The following UBR2 variants were observed in gnomAD, a reference collection of about 807,000 sequenced individuals.
The protein encoded by UBR2 is ubiquitin protein ligase E3 component n-recognin 2, also known as E3 ubiquitin-protein ligase UBR2.
In UBR2, 92 loss-of-function variants were observed where a neutral mutation model predicts 247.9. The observed-to-expected ratio is 0.37, with a 90% CI of 0.31 to 0.44. The LOEUF (loss-of-function observed/expected upper bound fraction) is 0.44. Among genes scored for constraint, UBR2 ranks in the 20% least tolerant of loss-of-function variants. The pLI is 1.00. For missense variants in UBR2, 1,613 were observed against 2,112.6 expected (o/e 0.76, Z 4.64); for synonymous variants, 672 against 693.5 (o/e 0.97, Z 0.49).
In UBR2 at chr6:42,689,541, G is replaced by A. The variant is rs939979415; in HGVS notation, c.5025-28G>A. 4.4e-6 allele frequency: 7 copies of A among 1,591,794 alleles called. No individual in the cohort carries two copies. Among genetic ancestry groups the A allele is most frequent in the Non-Finnish European group, 6.0e-6 (7 of 1,159,732 alleles). ...AAATGTTGGTTACTAATGTGTAAAT[G>A]TGTAACGTATGACTGATCTCTCTAC... On this transcript the variant is annotated intron_variant, in intron 45 of 46. Coordinates refer to ENST00000372901, the MANE Select transcript of UBR2 (RefSeq NM_001363705.2). The surrounding 1 kb of genome is among the most constrained non-coding windows in gnomAD (Gnocchi z 4.0).
In UBR2 at chr6:42,644,324, G is replaced by A. The variant is rs183916525; in HGVS notation, c.2208G>A (p.Glu736=). 24 of 1,612,194 alleles carry A rather than the reference G, an allele frequency of 1.5e-5. No homozygotes were observed. In the Admixed American group the frequency reaches 3.4e-4, roughly 23 times the overall value. Residue 736 remains glutamate, a synonymous_variant, in exon 19 of 47, where the codon GAG becomes GAA. Transcript: ENST00000372901. ...TPDYGKRFSS[E]ITHKDVVQQN... ...ACTATGGAAAAAGATTTAGTTCTGA[G>A]ATTACCCATAAGGTAAGAACGTGTT...
At position 42,644,258 on chromosome 6, in the gene UBR2, G is replaced by C. The variant is rs1796613290; in HGVS notation, c.2142G>C (p.Met714Ile). 6.2e-7 allele frequency: 1 copy of C among 1,611,582 alleles called. No homozygotes were observed. Among genetic ancestry groups the C allele is most frequent in the Non-Finnish European group, 8.5e-7 (1 of 1,179,556 alleles). Residue 714 changes from methionine to isoleucine, a missense_variant, in exon 19 of 47, where the codon ATG (methionine) becomes ATC (isoleucine). Met to Ile is a conservative substitution (Grantham distance 10, BLOSUM62 1). Coordinates refer to ENST00000372901, the MANE Select transcript of UBR2 (RefSeq NM_001363705.2). ...MMDPNHFLMI[M>I]LSRFELYQIF... ...ATCCAAATCATTTCCTGATGATCATGCTCAGCCGCTTTGAACTTTATCAGA... is the reference window on the plus strand; with the variant it reads ...ATCCAAATCATTTCCTGATGATCATCCTCAGCCGCTTTGAACTTTATCAGA...
chr6:42,629,189 T>A (rs1208765292), intron 11 of UBR2, among the ~76,000 whole-genome samples: 2 of 151,916 alleles, frequency 1.3e-5, no homozygotes, highest in Non-Finnish European at 2.9e-5. Context: ...GGTAATTTTT[T>A]AATTTTTAGT....
At chr6:42,643,630 G>T (rs1293884710) in intron 18 of UBR2, among the ~76,000 whole-genome samples, 2 of 151,826 alleles carry the variant, frequency 1.3e-5, no homozygotes, top group East Asian at 3.9e-4. Flanking sequence ...GTCAAGAAAT[G>T]TATATTTCAA....
chr6:42,633,861 G>A (rs1307365436), intron 13 of UBR2, among the ~76,000 whole-genome samples: 1 of 151,924 alleles, frequency 6.6e-6, no homozygotes, highest in Admixed American at 6.6e-5. Flanking sequence ...TTTTTGAGTA[G>A]CTGGGATTAC....
chr6:42,685,831 C>T (rs2207260), intron 44 of UBR2, among the ~76,000 whole-genome samples: 34,478 of 151,256 alleles, frequency 0.23, 3,967 homozygotes, highest in Middle Eastern at 0.26. Context: ...TAGTCATGAT[C>T]GTGCCACTGC....
intron 14 of UBR2, 94 bp from the exon 15 acceptor site, chr6:42,636,917 A>G: frequency 7.3e-7 from 1 of 1,372,078 alleles, no homozygotes; most frequent in Non-Finnish European, 9.9e-7. Flanking sequence ...CTATATTGTT[A>G]TTTGAGGTAC....
At position 42,592,184 on chromosome 6, in the gene UBR2, C is replaced by T; in HGVS notation, c.372C>T (p.Cys124=). The change falls in exon 3 of 47, where the codon TGC becomes TGT. Residue 124 remains cysteine (C), a synonymous_variant. Coordinates refer to ENST00000372901, the MANE Select transcript of UBR2 (RefSeq NM_001363705.2). The part of the protein sequence containing the change: ...DCAVDPTCVL[C]MECFLGSIHR... ...CAGTTGATCCAACTTGTGTTTTGTG[C>T]ATGGAGTGCTTTTTGGGAAGTATTC... 6.3e-7 allele frequency: 1 copy of T among 1,598,850 alleles called. No homozygotes were observed. The highest frequency in any genetic ancestry group is 8.5e-7 in the Non-Finnish European group (1 of 1,175,836).
At chr6:42,565,631 G>A (rs1357007625) in intron 1 of UBR2, among the ~76,000 whole-genome samples, 2 of 152,116 alleles carry the variant, frequency 1.3e-5, no homozygotes, top group Non-Finnish European at 2.9e-5. Flanking sequence ...CGCGATCTCA[G>A]CTCACCGCAA....
rs201227063 is a variant in UBR2 at position 42,612,225 on chromosome 6, A to G, written c.919A>G (p.Ile307Val). ...CAAAGTTCAAGTTATGCATTCGTCT[A>G]TTGTCGCACATCAGAATTTTGGTTT... The part of the protein sequence containing the change: ...PLKVQVMHSS[I>V]VAHQNFGLKL... Residue 307 changes from isoleucine (I) to valine (V), a missense_variant, in exon 8 of 47, where the codon ATT (isoleucine) becomes GTT (valine). By Grantham distance (29) the Ile-to-Val change is conservative. Transcript: ENST00000372901. 85 of 1,549,768 alleles carry G rather than the reference A, an allele frequency of 5.5e-5. No homozygotes were observed. The highest frequency in any genetic ancestry group is 1.7e-4 in the Middle Eastern group (1 of 5,794).
In UBR2 at chr6:42,655,711, C is replaced by A; in HGVS notation, c.2860C>A (p.Gln954Lys). The A allele has an allele frequency of 6.5e-7, 1 of 1,534,304 alleles. No individual in the cohort carries two copies. Among genetic ancestry groups the A allele is most frequent in the South Asian group, 1.3e-5 (1 of 78,760 alleles). Reference sequence around the variant, plus strand: ...GCATGTAGTAACATTTACCTTCACTCAGAAGATATCAAGTATGTATATATC... The same window carrying A: ...GCATGTAGTAACATTTACCTTCACTAAGAAGATATCAAGTATGTATATATC... Reference protein sequence around the residue: ...EEHVVTFTFTQKISKPGEAPK... With the variant: ...EEHVVTFTFTKKISKPGEAPK... Residue 954 changes from glutamine to lysine, a missense_variant, in exon 26 of 47, where the codon CAG (glutamine) becomes AAG (lysine). Gln to Lys is a moderately conservative substitution (Grantham distance 53). Transcript: ENST00000372901.
At chr6:42,676,946 G>A (rs539813554) in intron 40 of UBR2, 73 bp downstream of exon 40, 17 of 1,268,584 alleles carry the variant, frequency 1.3e-5, no homozygotes, top group South Asian at 6.1e-5. Flanking sequence ...AAAGGAATTC[G>A]TTTGTTAATT....
At chr6:42,672,178 G>A (rs1463306395) in intron 36 of UBR2, among the ~76,000 whole-genome samples, 1 of 152,064 alleles carries the variant, frequency 6.6e-6, no homozygotes, top group Non-Finnish European at 1.5e-5. Flanking sequence ...GATTACAGGT[G>A]CATGCCACCG....
chr6:42,653,107 G>T (rs1457141589), intron 25 of UBR2, among the ~76,000 whole-genome samples: 2 of 152,108 alleles, frequency 1.3e-5, no homozygotes, highest in African/African-American at 4.8e-5. Context: ...TTTGAGACAG[G>T]ATCTAGCTTT....
chr6:42,612,982 T>A (rs1310598089), intron 8 of UBR2, among the ~76,000 whole-genome samples: 1 of 151,984 alleles, frequency 6.6e-6, no homozygotes, highest in Non-Finnish European at 1.5e-5. Flanking sequence ...GTTCCTGTAA[T>A]CCCAGCTACT....
At chr6:42,682,990 GA>G (rs1799141275) in intron 42 of UBR2, 64 bp from the exon 43 acceptor site, 2 of 1,451,386 alleles carry the variant, frequency 1.4e-6, no homozygotes, top group South Asian at 2.4e-5. Flanking sequence ...CTATGGAGGG[GA>G]AAAAATTCTA....
At chr6:42,575,379 T>C (rs1346587874) in intron 2 of UBR2, among the ~76,000 whole-genome samples, 1 of 152,204 alleles carries the variant, frequency 6.6e-6, no homozygotes, top group Non-Finnish European at 1.5e-5. Flanking sequence ...CAGAAACTAC[T>C]TTGAATATTC....
At position 42,691,417 on chromosome 6, in the gene UBR2, C is replaced by T. The variant is rs929664762; in HGVS notation, c.*244C>T. 2.0e-6 allele frequency: 1 copy of T among 504,014 alleles called. No homozygotes were observed. Among genetic ancestry groups the T allele is most frequent in the African/African-American group, 1.9e-5 (1 of 51,552 alleles). The allele number at this position is 504,014 out of a possible 1,614,324, so 31.2% of individuals were successfully genotyped here. On this transcript the variant is annotated 3_prime_UTR_variant, in exon 47 of 47. Coordinates refer to ENST00000372901, the MANE Select transcript of UBR2 (RefSeq NM_001363705.2). ...AAGATCGAGCAAGGAGCTTCTCTTC[C>T]TAGATTGGATCCCAGCCCCTTTGTG...
At position 42,647,417 on chromosome 6, in the gene UBR2, TAAAAAAAAAAAAA is replaced by T. The variant is rs750938791; in HGVS notation, c.2410-684_2410-672del. On this transcript the variant is annotated intron_variant, in intron 21 of 46. Coordinates refer to ENST00000372901, the MANE Select transcript of UBR2 (RefSeq NM_001363705.2). ...CAACACAGTTAAACCCCATCGCTAC[TAAAAAAAAAAAAA>T]AAAAAAAAAAAAAAAATTAGCCAGG... Among the ~76,000 whole-genome samples the T allele has an allele frequency of 2.6e-3, 265 of 102,168 alleles. 3 individuals are homozygous for T. The highest frequency in any genetic ancestry group is 4.2e-3 in the Non-Finnish European group (209 of 50,290). The allele number at this position is 102,168 out of a possible 152,430, so 67.0% of individuals were successfully genotyped here.
Sources: allele counts gnomAD v4.1 joint callset (sites outside exome capture counted in the v4.1 genomes callset), GRCh38; gene constraint gnomAD v4.1.1; non-coding constraint Gnocchi (gnomAD v3.1); transcripts MANE v1.5; gene names NCBI Gene and HGNC (gene_info 2026-07-23, HGNC 2026-07-21).